The following GRIK3 variants were observed in gnomAD, a reference collection of about 807,000 sequenced individuals.
GRIK3 encodes the protein glutamate receptor ionotropic, kainate 3.
A neutral mutation model predicts 102.5 loss-of-function variants in GRIK3; 29 were observed. That is an observed-to-expected ratio of 0.28 (90% CI 0.21 to 0.39). GRIK3 has a LOEUF of 0.39. Ranked by LOEUF, GRIK3 falls within the 10% of genes least tolerant of loss-of-function variation. The pLI, the probability that GRIK3 is intolerant of heterozygous loss-of-function variation, is 1.00. For synonymous variants in GRIK3, 511 were observed against 504.9 expected (o/e 1.01, Z -0.16); for missense variants, 908 against 1,252.4 (o/e 0.73, Z 4.15).
At chr1:37,024,554 C>T (rs1038584534) in intron 1 of GRIK3, among the ~76,000 whole-genome samples, 58 of 151,036 alleles carry the variant, frequency 3.8e-4, no homozygotes, top group African/African-American at 1.3e-3. Flanking sequence ...ACCAGCCTGG[C>T]CAATATGGTG....
chr1:36,841,850 C>T lies in GRIK3; in HGVS notation c.1416G>A (p.Glu472=), dbSNP rs146629265. 1.9e-5 allele frequency: 31 copies of T among 1,614,182 alleles called. No homozygotes were observed. In the African/African-American group the frequency reaches 3.9e-4, roughly 20 times the overall value. Reference sequence around the variant, plus strand: ...AGGAGAAACCAAGGATGTGGGCCAGCTCCTTTAGCAGGTCGATGCAGTAGC... The same window carrying T: ...AGGAGAAACCAAGGATGTGGGCCAGTTCCTTTAGCAGGTCGATGCAGTAGC... The part of the protein sequence containing the change: ...FEGYCIDLLK[E]LAHILGFSYE... The change falls in exon 10 of 16, where the codon GAG becomes GAA. Residue 472 remains glutamate, a synonymous_variant. Coordinates refer to ENST00000373091, the MANE Select transcript of GRIK3 (RefSeq NM_000831.4).
intron 3 of GRIK3, among the ~76,000 whole-genome samples, chr1:36,873,856 C>A (rs765104764): frequency 2.6e-5 from 4 of 152,192 alleles, no homozygotes; most frequent in African/African-American, 7.2e-5. Flanking sequence ...GTGAGAAACA[C>A]TCCCTTTTTC....
intron 10 of GRIK3, among the ~76,000 whole-genome samples, chr1:36,840,085 T>C (rs1303805591): frequency 6.6e-6 from 1 of 152,206 alleles, no homozygotes. Context: ...TTGCAGAAGC[T>C]GGAACACAGG....
chr1:36,922,548 C>T (rs1387622267), intron 1 of GRIK3, among the ~76,000 whole-genome samples: 2 of 152,218 alleles, frequency 1.3e-5, no homozygotes, highest in African/African-American at 4.8e-5. Flanking sequence ...AGAATATCAC[C>T]CTTCACTCCC....
At chr1:36,929,925 T>G (rs928494039) in intron 1 of GRIK3, among the ~76,000 whole-genome samples, 13 of 152,218 alleles carry the variant, frequency 8.5e-5, no homozygotes, top group African/African-American at 3.1e-4. Context: ...AGCAACCACT[T>G]CCAGGATGGC....
chr1:36,961,170 C>T (rs1227117640), intron 1 of GRIK3, among the ~76,000 whole-genome samples: 1 of 152,234 alleles, frequency 6.6e-6, no homozygotes. Context: ...ACACTGCGTG[C>T]ACACACGTGC....
intron 1 of GRIK3, among the ~76,000 whole-genome samples, chr1:36,971,777 C>T (rs965596002): frequency 1.3e-5 from 2 of 152,146 alleles, no homozygotes; most frequent in African/African-American, 4.8e-5. Context: ...CTGCCATCTC[C>T]TCTCCAGCAC....
chr1:36,950,660 C>T (rs1641834539), intron 1 of GRIK3, among the ~76,000 whole-genome samples: 1 of 152,248 alleles, frequency 6.6e-6, no homozygotes, highest in African/African-American at 2.4e-5. Flanking sequence ...GTACCCACAT[C>T]CTGCTGCACA....
At chr1:36,894,772 C>T (rs76560588) in intron 1 of GRIK3, among the ~76,000 whole-genome samples, 1,711 of 152,274 alleles carry the variant, frequency 0.011, 30 homozygotes, top group African/African-American at 0.039. Context: ...TGGGCCCCCA[C>T]GCTTTTGTGA....
At chr1:37,026,244 G>A (rs1557468322) in intron 1 of GRIK3, among the ~76,000 whole-genome samples, 1 of 152,206 alleles carries the variant, frequency 6.6e-6, no homozygotes, top group Non-Finnish European at 1.5e-5. Context: ...TAAATAATGG[G>A]CCAGGCGGTG....
intron 1 of GRIK3, among the ~76,000 whole-genome samples, chr1:36,894,125 C>A (rs894533945): frequency 5.9e-5 from 9 of 152,268 alleles, no homozygotes; most frequent in African/African-American, 1.2e-4. Context: ...TGTTTTAGAA[C>A]CTTCCCATCA....
At chr1:36,914,637 A>C (rs1442703041) in intron 1 of GRIK3, among the ~76,000 whole-genome samples, 2 of 152,214 alleles carry the variant, frequency 1.3e-5, no homozygotes, top group African/African-American at 4.8e-5. Flanking sequence ...TCAGCCCCAC[A>C]CACTGGGCTC....
intron 1 of GRIK3, among the ~76,000 whole-genome samples, chr1:36,893,740 A>T: frequency 6.6e-6 from 1 of 152,210 alleles, no homozygotes; most frequent in Non-Finnish European, 1.5e-5. Context: ...ATGTATGGGG[A>T]AGGAGATCTA....
In GRIK3 at chr1:36,798,838, G is replaced by C. The variant is rs1195741062; in HGVS notation, c.*3013C>G. 6.6e-6 allele frequency: 1 copy of C among 152,194 alleles called. No individual in the cohort carries two copies. Among genetic ancestry groups the C allele is most frequent in the Non-Finnish European group, 1.5e-5 (1 of 68,046 alleles). The allele number at this position is 152,194 out of a possible 1,614,324, so 9.4% of individuals were successfully genotyped here. Reference sequence around the variant, plus strand: ...CCACACAGGAGTCTAAAGACCAGTCGGTACATTTTGGGGGGTTTCTCGAAT... The same window carrying C: ...CCACACAGGAGTCTAAAGACCAGTCCGTACATTTTGGGGGGTTTCTCGAAT... On this transcript the variant is annotated 3_prime_UTR_variant, in exon 16 of 16. Coordinates refer to ENST00000373091, the MANE Select transcript of GRIK3 (RefSeq NM_000831.4).
At chr1:37,010,180 T>C (rs1396072399) in intron 1 of GRIK3, among the ~76,000 whole-genome samples, 2 of 152,170 alleles carry the variant, frequency 1.3e-5, no homozygotes, top group African/African-American at 4.8e-5. Flanking sequence ...TGTGTGACCT[T>C]GGACACGTCA....
At chr1:36,854,235 G>A (rs965428028) in intron 7 of GRIK3, among the ~76,000 whole-genome samples, 2 of 152,154 alleles carry the variant, frequency 1.3e-5, no homozygotes, top group Admixed American at 6.5e-5. Flanking sequence ...TGAATGCTGG[G>A]TCCAACCACA....
At chr1:36,942,407 C>T (rs1641732902) in intron 1 of GRIK3, among the ~76,000 whole-genome samples, 2 of 152,216 alleles carry the variant, frequency 1.3e-5, no homozygotes, top group African/African-American at 2.4e-5. Context: ...TCAAAGGCTC[C>T]TCTGGTAAAG....
At chr1:36,995,516 T>C (rs1454556530) in intron 1 of GRIK3, among the ~76,000 whole-genome samples, 2 of 152,220 alleles carry the variant, frequency 1.3e-5, no homozygotes, top group Non-Finnish European at 2.9e-5. Context: ...GTCTCAGCAT[T>C]TGAAACTCCT....
intron 1 of GRIK3, among the ~76,000 whole-genome samples, chr1:36,918,801 T>A (rs1344747434): frequency 6.6e-6 from 1 of 152,192 alleles, no homozygotes. Flanking sequence ...ACTGAGCCAG[T>A]GGGAATAAAC....
Sources: gnomAD v4.1 joint callset for allele counts (sites outside exome capture counted in the v4.1 genomes callset) on GRCh38, gnomAD v4.1.1 for gene constraint, MANE v1.5 for transcripts, NCBI Gene and HGNC (gene_info 2026-07-23, HGNC 2026-07-21) for gene names.